Variants in AFF2 observed in about 807,000 individuals in gnomAD.
AFF2 encodes AF4/FMR2 family member 2.
In AFF2, 14 loss-of-function variants were observed where a neutral mutation model predicts 76.9. That is an observed-to-expected ratio of 0.18 (90% CI 0.12 to 0.28). The LOEUF is 0.28. AFF2 is among the 10% of genes least tolerant of loss of function. The pLI is 1.00. For synonymous variants in AFF2, 398 were observed against 366.7 expected (o/e 1.09, Z -0.98); for missense variants, 868 against 1,001.1 (o/e 0.87, Z 1.79).
chrX:148,662,779 TTTAAAG>T lies in AFF2; in HGVS notation c.1041+14_1041+19del, dbSNP rs2054321511. 1 of 1,197,473 alleles carries T rather than the reference TTTAAAG, an allele frequency of 8.4e-7. No individual in the cohort carries two copies. Among genetic ancestry groups the T allele is most frequent in the Non-Finnish European group, 1.1e-6 (1 of 888,954 alleles). On this transcript the variant is annotated intron_variant, in intron 3 of 20. Transcript: ENST00000370460. ...CTCCAAACAAGTGAAGTAAGTAATT[TTTAAAG>T]TTTTGTTTGGTTTCACTTTTTTTTA...
intron 7 of AFF2, among the ~76,000 whole-genome samples, chrX:148,876,086 C>T (rs782535856): frequency 8.9e-6 from 1 of 112,278 alleles, no homozygotes; most frequent in Non-Finnish European, 1.9e-5. Context: ...GAACACATTT[C>T]TCTAGTTTGC....
intron 3 of AFF2, among the ~76,000 whole-genome samples, chrX:148,749,907 C>A (rs782056734): frequency 2.7e-5 from 3 of 111,061 alleles, no homozygotes; most frequent in Non-Finnish European, 5.7e-5. Context: ...CACCTTACAC[C>A]GTGAGCACTT....
At chrX:148,566,336 A>G (rs2053170503) in intron 1 of AFF2, among the ~76,000 whole-genome samples, 1 of 111,578 alleles carries the variant, frequency 9.0e-6, no homozygotes. Context: ...GTCTAGATTC[A>G]GAATTAAAGG....
Position 148,538,061 on chromosome X carries a change from G to C in AFF2, c.47+36917G>C, listed in dbSNP as rs186152264. 7.4e-3 allele frequency among the ~76,000 whole-genome samples: 831 copies of C among 112,603 alleles called. 9 individuals are homozygous for C. The highest frequency in any genetic ancestry group is 0.025 in the African/African-American group (775 of 31,065). On this transcript the variant is annotated intron_variant, in intron 1 of 20. Transcript: ENST00000370460. ...CCTCCCCTCAAGGGCAGACTTCAGT[G>C]TCATTAGACCAACCTTCTACGTAGT... is the stretch of plus-strand genomic sequence containing the variant.
chrX:148,608,708 G>A (rs1318619061), intron 1 of AFF2, among the ~76,000 whole-genome samples: 1 of 109,844 alleles, frequency 9.1e-6, no homozygotes, highest in African/African-American at 3.3e-5. Flanking sequence ...TGATAGAGAC[G>A]GGGTCTCACC....
In AFF2 at chrX:148,521,227, T is replaced by C. The variant is rs144076794; in HGVS notation, c.47+20083T>C. On this transcript the variant is annotated intron_variant, in intron 1 of 20. Transcript: ENST00000370460. Reference sequence around the variant, plus strand: ...CTGATAATGTCACTGTCACCATTCTTGCACCCTGTGACAACACAGAGGACT... The same window carrying C: ...CTGATAATGTCACTGTCACCATTCTCGCACCCTGTGACAACACAGAGGACT... Among the ~76,000 whole-genome samples the C allele has an allele frequency of 3.1e-3, 346 of 111,470 alleles. 2 individuals carry two copies. The highest frequency in any genetic ancestry group is 0.011 in the African/African-American group (336 of 30,560).
chrX:148,623,109 A>G (rs1308638068), intron 1 of AFF2, among the ~76,000 whole-genome samples: 2 of 111,665 alleles, frequency 1.8e-5, no homozygotes, highest in African/African-American at 6.5e-5. Flanking sequence ...TCTAAAGGTT[A>G]TAAAGATGGT....
At chrX:148,856,308 T>C (rs782002070) in intron 7 of AFF2, among the ~76,000 whole-genome samples, 10 of 112,326 alleles carry the variant, frequency 8.9e-5, no homozygotes, top group African/African-American at 3.2e-4. Flanking sequence ...ATGCTGAGTG[T>C]TTTATATCCA....
chrX:148,659,038 T>G, intron 2 of AFF2, among the ~76,000 whole-genome samples: 1 of 112,087 alleles, frequency 8.9e-6, no homozygotes, highest in Non-Finnish European at 1.9e-5. Context: ...AAAGATATCA[T>G]AAGTGTAGTA....
rs782609695 is a variant in AFF2 at position 148,786,205 on chromosome X, C to T, written c.1042-23671C>T. Among the ~76,000 whole-genome samples, 10 of 111,647 alleles carry T rather than the reference C, an allele frequency of 9.0e-5. No homozygotes were observed. The East Asian group carries it at 2.5e-3, about 28-fold the overall frequency. ...AAAATTAACCCTGCACTGCTGTTGC[C>T]TCCCCACCCCACCCTGGCCAGTCAT... On this transcript the variant is annotated intron_variant, in intron 3 of 20. Coordinates refer to ENST00000370460, the MANE Select transcript of AFF2 (RefSeq NM_002025.4).
At chrX:148,769,988 A>G (rs1557267996) in intron 3 of AFF2, among the ~76,000 whole-genome samples, 1 of 111,646 alleles carries the variant, frequency 9.0e-6, no homozygotes. Context: ...ACAGGGGCCA[A>G]TTCAAAGCCT....
chrX:148,989,991 T>G, intron 20 of AFF2, among the ~76,000 whole-genome samples: 1 of 112,309 alleles, frequency 8.9e-6, no homozygotes, highest in Non-Finnish European at 1.9e-5. Flanking sequence ...CTGGCTCATA[T>G]GAGGCTCACA....
At chrX:148,724,953 G>A (rs1218252883) in intron 3 of AFF2, among the ~76,000 whole-genome samples, 1 of 111,138 alleles carries the variant, frequency 9.0e-6, no homozygotes, top group Non-Finnish European at 1.9e-5. Flanking sequence ...TATGGTTCTG[G>A]TCCTAGATAA....
At chrX:148,559,676 T>C (rs1185809621) in intron 1 of AFF2, among the ~76,000 whole-genome samples, 2 of 112,081 alleles carry the variant, frequency 1.8e-5, no homozygotes, top group African/African-American at 3.2e-5. Flanking sequence ...CAGTCTATCA[T>C]TGATGGGCAT....
chrX:148,718,979 C>T lies in AFF2; in HGVS notation c.1041+56211C>T, dbSNP rs1273766753. On this transcript the variant is annotated intron_variant, in intron 3 of 20. Transcript: ENST00000370460. ...TCTAAGAATGGATGGAGGAAGCTAA[C>T]AAAACAGAGTTTAAATTGAGATGAT... 5.1e-6 allele frequency: 4 copies of T among 782,291 alleles called. No homozygotes were observed. In the Admixed American group the frequency reaches 1.6e-4, roughly 32 times the overall value. The allele number at this position is 782,291 out of a possible 1,213,427, so 64.5% of individuals were successfully genotyped here.
intron 3 of AFF2, among the ~76,000 whole-genome samples, chrX:148,764,014 C>T (rs1227833010): frequency 8.9e-6 from 1 of 111,984 alleles, no homozygotes; most frequent in East Asian, 2.8e-4. Flanking sequence ...GTAGATTAGT[C>T]AGCTGAAATA....
intron 3 of AFF2, among the ~76,000 whole-genome samples, chrX:148,743,327 T>C (rs1557265852): frequency 8.9e-6 from 1 of 112,266 alleles, no homozygotes. Context: ...CTTCAATTGA[T>C]GAAAGTGAAG....
chrX:148,596,988 C>T (rs972020123), intron 1 of AFF2, among the ~76,000 whole-genome samples: 6 of 111,631 alleles, frequency 5.4e-5, no homozygotes, highest in Admixed American at 1.9e-4. Flanking sequence ...CAGACAACCA[C>T]CAGGGGTTAC....
chrX:148,653,692 G>A, intron 2 of AFF2, among the ~76,000 whole-genome samples: 1 of 111,492 alleles, frequency 9.0e-6, no homozygotes, highest in East Asian at 2.8e-4. Context: ...GGGAGCTTAT[G>A]TCAGGAATGA....
Sources: gnomAD v4.1 joint callset for allele counts (sites outside exome capture counted in the v4.1 genomes callset) on GRCh38, gnomAD v4.1.1 for gene constraint, MANE v1.5 for transcripts, NCBI Gene and HGNC (gene_info 2026-07-23, HGNC 2026-07-21) for gene names.